PRDM5: variants seen among roughly 807,000 people sequenced by gnomAD.
PRDM5 encodes the protein PR/SET domain 5, also known as PR domain zinc finger protein 5.
PRDM5 carries 56 observed loss-of-function variants against 81.2 expected under a neutral mutation model. The ratio of observed to expected loss-of-function variants is 0.69; its 90% CI spans 0.56 to 0.86. The LOEUF is 0.86. Ranked by LOEUF, PRDM5 falls within the 40% of genes least tolerant of loss-of-function variation. The pLI, the probability that PRDM5 is intolerant of heterozygous loss-of-function variation, is 0.00. For synonymous variants in PRDM5, 267 were observed against 256.4 expected (o/e 1.04, Z -0.39); for missense variants, 697 against 770.1 (o/e 0.91, Z 1.12).
intron 14 of PRDM5, among the ~76,000 whole-genome samples, chr4:120,736,345 T>C (rs1741128822): frequency 6.6e-6 from 1 of 152,076 alleles, no homozygotes; most frequent in African/African-American, 2.4e-5. Context: ...AGGTATCTTT[T>C]TGATATAATG....
chr4:120,871,033 G>A (rs116714787), intron 2 of PRDM5, among the ~76,000 whole-genome samples: 10 of 152,116 alleles, frequency 6.6e-5, no homozygotes, highest in Admixed American at 4.6e-4. Flanking sequence ...CCATGCTCCC[G>A]CCATCATCCA....
At chr4:120,720,241 CAG>C (rs1309708772) in intron 14 of PRDM5, among the ~76,000 whole-genome samples, 2 of 152,178 alleles carry the variant, frequency 1.3e-5, no homozygotes, top group African/African-American at 4.8e-5. Flanking sequence ...GAGCTACAGA[CAG>C]GGGCCTGTGG....
rs900479427 is a variant in PRDM5 at position 120,853,435 on chromosome 4, T to C, written c.283A>G (p.Asn95Asp). ...VHEAPSQEQK[N>D]LAAIQEGENI... Reference sequence around the variant, plus strand: ...AAGCTCACTTGAATGGCAGCCAAGTTCTTCTGCTCCTGAGATGGTGCCTCA... The same window carrying C: ...AAGCTCACTTGAATGGCAGCCAAGTCCTTCTGCTCCTGAGATGGTGCCTCA... The change falls in exon 3 of 16, where the codon AAC becomes GAC. Residue 95 changes from asparagine (N) to aspartate (D), a missense_variant. Transcript: ENST00000264808. The C allele has an allele frequency of 2.5e-6, 4 of 1,613,622 alleles. No individual in the cohort carries two copies. Among genetic ancestry groups the C allele is most frequent in the Non-Finnish European group, 3.4e-6 (4 of 1,179,734 alleles).
Position 120,710,370 on chromosome 4 carries a change from T to C in PRDM5, c.1667A>G (p.Gln556Arg). The change falls in exon 15 of 16, where the codon CAG (glutamine) becomes CGG (arginine). Residue 556 changes from glutamine to arginine, a missense_variant. Physicochemically the swap from Gln to Arg is conservative, Grantham distance 43. Transcript: ENST00000264808. ...KCSECSKAFS[Q>R]KRGLDEHKRT... is the part of the protein sequence containing the mutation. Reference sequence around the variant, plus strand: ...CTTGTGCTCATCCAGGCCTCGCTTCTGGCTGAAGGCCTTGCTGCACTCTGA... The same window carrying C: ...CTTGTGCTCATCCAGGCCTCGCTTCCGGCTGAAGGCCTTGCTGCACTCTGA... 1 of 1,614,142 alleles carries C rather than the reference T, an allele frequency of 6.2e-7. No homozygotes were observed. The highest frequency in any genetic ancestry group is 8.5e-7 in the Non-Finnish European group (1 of 1,180,038).
intron 13 of PRDM5, among the ~76,000 whole-genome samples, chr4:120,756,859 A>C (rs1744816187): frequency 6.6e-6 from 1 of 152,230 alleles, no homozygotes. Flanking sequence ...GGGATAAAGC[A>C]TGATAAGAAT....
At chr4:120,890,910 C>T (rs1018279278) in intron 2 of PRDM5, among the ~76,000 whole-genome samples, 1 of 152,112 alleles carries the variant, frequency 6.6e-6, no homozygotes, top group Non-Finnish European at 1.5e-5. Context: ...TATTTTCTCC[C>T]CTTCTGCAGG....
rs1734390320 is a variant in PRDM5, at chr4:120,695,255, G to A, written c.1749C>T (p.Ser583=). ...FQCDVCDLAF[S]LKKMLIRHKM... is the part of the protein sequence containing the mutation. The stretch of plus-strand genomic sequence containing the variant: ...TGTGTCGAATCAGCATTTTCTTCAG[G>A]CTAAAAGCCAAATCACAAACCTAGA... The change falls in exon 16 of 16, where the codon AGC becomes AGT. Residue 583 remains serine (S), a synonymous_variant. Coordinates refer to ENST00000264808, the MANE Select transcript of PRDM5 (RefSeq NM_018699.4). 1 of 1,613,288 alleles carries A rather than the reference G, an allele frequency of 6.2e-7. No individual in the cohort carries two copies. Among genetic ancestry groups the A allele is most frequent in the African/African-American group, 1.3e-5 (1 of 74,962 alleles).
At chr4:120,856,977 T>G (rs886192313) in intron 2 of PRDM5, among the ~76,000 whole-genome samples, 10 of 152,186 alleles carry the variant, frequency 6.6e-5, no homozygotes, top group African/African-American at 2.4e-4. Flanking sequence ...GTCAACAGTC[T>G]CATCGTGTAG....
At chr4:120,772,675 T>C (rs1015974576) in intron 13 of PRDM5, among the ~76,000 whole-genome samples, 6 of 152,194 alleles carry the variant, frequency 3.9e-5, no homozygotes, top group East Asian at 1.9e-4. Context: ...AGCCAACACA[T>C]ATTTCACATG....
chr4:120,902,884 C>G (rs1177929064), intron 2 of PRDM5, among the ~76,000 whole-genome samples: 4 of 152,128 alleles, frequency 2.6e-5, no homozygotes, highest in Non-Finnish European at 5.9e-5. Flanking sequence ...TTAGTGCTCC[C>G]CATGACCCTA....
chr4:120,691,639 G>A (rs1734057940), downstream of PRDM5, among the ~76,000 whole-genome samples: 1 of 152,036 alleles, frequency 6.6e-6, no homozygotes, highest in Non-Finnish European at 1.5e-5. Context: ...CATTCTTAGT[G>A]ATGATCCTTT....
chr4:120,882,975 C>A (rs1386379729), intron 2 of PRDM5, among the ~76,000 whole-genome samples: 1 of 152,098 alleles, frequency 6.6e-6, no homozygotes, highest in African/African-American at 2.4e-5. Flanking sequence ...TTAAATAAAG[C>A]TAAAATAAAG....
chr4:120,746,212 G>C (rs1185965247), intron 14 of PRDM5, among the ~76,000 whole-genome samples: 1 of 100,634 alleles, frequency 9.9e-6, no homozygotes, highest in South Asian at 3.9e-4. Flanking sequence ...AATGGTGCTG[G>C]GAAAACTGGC....
intron 8 of PRDM5, among the ~76,000 whole-genome samples, chr4:120,805,854 C>T (rs977106490): frequency 6.6e-6 from 1 of 151,916 alleles, no homozygotes; most frequent in African/African-American, 2.4e-5. Context: ...CTGGCCAGGG[C>T]AATCAGGCAG....
At position 120,800,205 on chromosome 4, in the gene PRDM5, C is replaced by T. The variant is rs150740331; in HGVS notation, c.946-460G>A. 5.3e-4 allele frequency among the ~76,000 whole-genome samples: 81 copies of T among 152,190 alleles called. 1 individual carries two copies. The highest frequency in any genetic ancestry group is 1.5e-3 in the African/African-American group (61 of 41,520). On this transcript the variant is annotated intron_variant, in intron 8 of 15. Transcript: ENST00000264808. ...TCAGAAGTTACAGGATTCTGAAAAG[C>T]ATTTAGTTCACAATAGAAGTTTCAC...
At chr4:120,690,613 A>G (rs1369215633), downstream of PRDM5, among the ~76,000 whole-genome samples, 1 of 152,204 alleles carries the variant, frequency 6.6e-6, no homozygotes, top group Non-Finnish European at 1.5e-5. Flanking sequence ...AAGGAAAGAA[A>G]GCATTATTAG....
chr4:120,915,767 C>G (rs1308816569), intron 1 of PRDM5, among the ~76,000 whole-genome samples: 3 of 152,148 alleles, frequency 2.0e-5, no homozygotes, highest in Non-Finnish European at 2.9e-5. Context: ...AGACCAACCA[C>G]TGACACAAGT....
At chr4:120,824,386 G>C (rs898181668) in intron 3 of PRDM5, among the ~76,000 whole-genome samples, 2 of 152,122 alleles carry the variant, frequency 1.3e-5, no homozygotes, top group African/African-American at 4.8e-5. Context: ...ATACACTTAA[G>C]ATGAGCCACA....
At position 120,816,503 on chromosome 4, in the gene PRDM5, C is replaced by G; in HGVS notation, c.815G>C (p.Arg272Thr). The change falls in exon 7 of 16, where the codon AGG (arginine) becomes ACG (threonine). Residue 272 changes from arginine to threonine, a missense_variant. Around this residue, in one of 3 missense-constraint regions of PRDM5, gnomAD observed 577 missense variants for 606.7 expected, o/e 0.95. Transcript: ENST00000264808. ...FVCKADSCGK[R>T]LKSKDALKRH... ...TTTCAGGGCATCCTTGCTCTTCAGC[C>G]TCTTTCCACAGCTGTCAGCCTTGCA... The G allele has an allele frequency of 1.2e-6, 2 of 1,614,182 alleles. No individual in the cohort carries two copies. The highest frequency in any genetic ancestry group is 1.7e-6 in the Non-Finnish European group (2 of 1,180,040).
Sources: allele counts gnomAD v4.1 joint callset (sites outside exome capture counted in the v4.1 genomes callset), GRCh38; gene constraint gnomAD v4.1.1; regional missense constraint gnomAD v4.1.1; transcripts MANE v1.5; gene names NCBI Gene and HGNC (gene_info 2026-07-23, HGNC 2026-07-21).